The following CACNA1C variants were observed in gnomAD, a reference collection of about 807,000 sequenced individuals.
CACNA1C encodes calcium voltage-gated channel subunit alpha1 C.
Under a neutral mutation model 229.0 loss-of-function variants are expected in CACNA1C, and 30 were observed. The observed-to-expected ratio is 0.13, with a 90% CI of 0.10 to 0.18. CACNA1C has a LOEUF of 0.18. CACNA1C is among the 10% of genes least tolerant of loss of function. CACNA1C has a pLI of 1.00. For synonymous variants in CACNA1C, 1,114 were observed against 1,132.5 expected (o/e 0.98, Z 0.33); for missense variants, 1,658 against 2,845.0 (o/e 0.58, Z 9.49).
intron 43 of CACNA1C, among the ~76,000 whole-genome samples, chr12:2,684,739 G>T (rs1350204913): frequency 6.6e-6 from 1 of 152,222 alleles, no homozygotes; most frequent in Non-Finnish European, 1.5e-5. Flanking sequence ...ATCTGCAAGA[G>T]CCAGGGTGAT....
At chr12:2,547,532 T>A (rs181706674) in intron 9 of CACNA1C, 2 of 779,634 alleles carry the variant, frequency 2.6e-6, no homozygotes, top group East Asian at 2.4e-5. Flanking sequence ...ATGGTAATGT[T>A]CCCCTGTGCT....
intron 3 of CACNA1C, among the ~76,000 whole-genome samples, chr12:2,290,534 G>A (rs535495885): frequency 1.2e-4 from 19 of 152,318 alleles, no homozygotes; most frequent in African/African-American, 4.6e-4. Flanking sequence ...CTGTGACAAA[G>A]GACTTCCTTT....
chr12:2,213,311 C>T (rs1383604308), intron 3 of CACNA1C, among the ~76,000 whole-genome samples: 1 of 152,242 alleles, frequency 6.6e-6, no homozygotes, highest in East Asian at 1.9e-4. Flanking sequence ...TTCTCTGGTG[C>T]TGCTTGTTGC....
In CACNA1C at chr12:2,396,398, A is replaced by G. The variant is rs137925306; in HGVS notation, c.478-52578A>G. Among the ~76,000 whole-genome samples, 1,046 of 152,218 alleles carry G rather than the reference A, an allele frequency of 6.9e-3. 9 individuals carry two copies. The highest frequency in any genetic ancestry group is 0.012 in the Admixed American group (189 of 15,296). ...TCAAGGGGACGAAGAGGCCTGCCCA[A>G]GAAGAAGAGGGATGATTTTTCTCTT... is the stretch of plus-strand genomic sequence containing the variant. On this transcript the variant is annotated intron_variant, in intron 3 of 46. Transcript: ENST00000399655.
At position 2,633,328 on chromosome 12, in the gene CACNA1C, A is replaced by C. The variant is rs2091385055; in HGVS notation, c.3829-969A>C. Among the ~76,000 whole-genome samples the C allele has an allele frequency of 6.6e-6, 1 of 152,036 alleles. No homozygotes were observed. Among genetic ancestry groups the C allele is most frequent in the Non-Finnish European group, 1.5e-5 (1 of 68,006 alleles). Reference sequence around the variant, plus strand: ...GCGATTTGCACCACCCACGCCCCCCACACCCACTCCTGCCCCTGGTGGGAC... The same window carrying C: ...GCGATTTGCACCACCCACGCCCCCCCCACCCACTCCTGCCCCTGGTGGGAC... On this transcript the variant is annotated intron_variant, in intron 29 of 46. Coordinates refer to ENST00000399655, the MANE Select transcript of CACNA1C (RefSeq NM_000719.7). This position sits in a 1 kb window ranked among gnomAD's most constrained non-coding sequence, Gnocchi z 5.8.
At chr12:2,189,540 G>A (rs917715734) in intron 3 of CACNA1C, among the ~76,000 whole-genome samples, 5 of 152,178 alleles carry the variant, frequency 3.3e-5, no homozygotes, top group Admixed American at 6.5e-5. Flanking sequence ...GAAGCTGGGC[G>A]CTGGCTGCTG....
chr12:2,037,206 C>T (rs1341823186), intron 1 of CACNA1C, among the ~76,000 whole-genome samples: 1 of 152,206 alleles, frequency 6.6e-6, no homozygotes, highest in African/African-American at 2.4e-5. Flanking sequence ...TGGATCACAT[C>T]ATGAGACGGA....
intron 3 of CACNA1C, among the ~76,000 whole-genome samples, chr12:2,420,635 G>A (rs1386361946): frequency 6.6e-6 from 1 of 152,218 alleles, no homozygotes; most frequent in Admixed American, 6.5e-5. Context: ...GTCTCTCTAA[G>A]CAAGGTCTCT....
chr12:2,164,370 GT>G (rs1244843170), intron 3 of CACNA1C, among the ~76,000 whole-genome samples: 1 of 152,206 alleles, frequency 6.6e-6, no homozygotes, highest in Non-Finnish European at 1.5e-5. Flanking sequence ...CAGAGACCAG[GT>G]TTTGTTGCCA....
intron 9 of CACNA1C, among the ~76,000 whole-genome samples, chr12:2,548,484 G>A (rs575061646): frequency 3.3e-5 from 5 of 152,228 alleles, no homozygotes; most frequent in African/African-American, 1.2e-4. Flanking sequence ...TCCCTTCTCT[G>A]GCCTCACTTT....
intron 8 of CACNA1C, among the ~76,000 whole-genome samples, chr12:2,509,869 A>G (rs1030150541): frequency 3.3e-5 from 5 of 152,214 alleles, no homozygotes; most frequent in Non-Finnish European, 7.3e-5. Context: ...ATGTCCACAG[A>G]TGACTGAAAG....
At position 2,677,840 on chromosome 12, in the gene CACNA1C, CGCT is replaced by C. The variant is rs1569209887; in HGVS notation, c.5068_5070del (p.Ala1690del). 32 of 1,613,986 alleles carry C rather than the reference CGCT, an allele frequency of 2.0e-5. 1 individual carries two copies. Among genetic ancestry groups the C allele is most frequent in the Middle Eastern group, 3.3e-4 (2 of 6,060 alleles). On this transcript the variant is annotated inframe_deletion, in exon 41 of 47. Coordinates refer to ENST00000399655, the MANE Select transcript of CACNA1C (RefSeq NM_000719.7). The surrounding 1 kb of genome is among the most constrained non-coding windows in gnomAD (Gnocchi z 7.4). The stretch of plus-strand genomic sequence containing the variant: ...ACAAGGCCATGAAGGAGGCTGTGTC[CGCT>C]GCTTCTGAAGATGACATCTTCAGGG...
intron 1 of CACNA1C, among the ~76,000 whole-genome samples, chr12:2,023,216 T>C (rs2046765702): frequency 6.6e-6 from 1 of 152,182 alleles, no homozygotes; most frequent in African/African-American, 2.4e-5. Context: ...GTTCATATGT[T>C]GGAGTGAACT....
intron 3 of CACNA1C, among the ~76,000 whole-genome samples, chr12:2,380,559 G>A (rs750113009): frequency 6.6e-6 from 1 of 152,146 alleles, no homozygotes; most frequent in Non-Finnish European, 1.5e-5. Flanking sequence ...GACCTCTTCT[G>A]ATAAACTGGG....
chr12:2,204,528 G>A (rs1316886758), intron 3 of CACNA1C, among the ~76,000 whole-genome samples: 2 of 150,996 alleles, frequency 1.3e-5, no homozygotes, highest in Non-Finnish European at 2.9e-5. Flanking sequence ...CAATAGCAAA[G>A]ACTTGGAACC....
At chr12:2,206,034 A>T (rs1320649387) in intron 3 of CACNA1C, among the ~76,000 whole-genome samples, 1 of 151,996 alleles carries the variant, frequency 6.6e-6, no homozygotes, top group African/African-American at 2.4e-5. Flanking sequence ...ATTTGGGGGG[A>T]CACATTCAGT....
chr12:2,404,613 C>A (rs537723892), intron 3 of CACNA1C, among the ~76,000 whole-genome samples: 1 of 152,284 alleles, frequency 6.6e-6, no homozygotes, highest in East Asian at 1.9e-4. Context: ...CCTCAAGTGC[C>A]CAGGCAGAAA....
At chr12:2,553,309 C>T (rs1425271424) in intron 10 of CACNA1C, among the ~76,000 whole-genome samples, 1 of 152,162 alleles carries the variant, frequency 6.6e-6, no homozygotes. Context: ...AACTGCAAAC[C>T]GTAGGTCCAT....
At chr12:2,109,223 T>C (rs996016555) in intron 1 of CACNA1C, among the ~76,000 whole-genome samples, 7 of 151,936 alleles carry the variant, frequency 4.6e-5, no homozygotes, top group African/African-American at 1.7e-4. Flanking sequence ...TCACGGCTGA[T>C]TGGGGGGTCC....
Sources: allele counts gnomAD v4.1 joint callset (sites outside exome capture counted in the v4.1 genomes callset), GRCh38; gene constraint gnomAD v4.1.1; non-coding constraint Gnocchi (gnomAD v3.1); transcripts MANE v1.5; gene names NCBI Gene and HGNC (gene_info 2026-07-23, HGNC 2026-07-21).